Variants in ISOC1 observed in about 807,000 individuals in gnomAD.
ISOC1 encodes isochorismatase domain-containing protein 1.
ISOC1 carries 33 observed loss-of-function variants against 30.0 expected under a neutral mutation model. The observed-to-expected ratio is 1.10, with a 90% CI of 0.83 to 1.47. The LOEUF (loss-of-function observed/expected upper bound fraction) is 1.47. Among genes scored for constraint, ISOC1 ranks in the 40% most tolerant of loss-of-function variants. ISOC1 has a pLI of 0.00. For missense variants in ISOC1, 372 were observed against 388.0 expected, an observed-to-expected ratio of 0.96 and a Z score of 0.35; for synonymous variants, 178 against 159.8, an observed-to-expected ratio of 1.11 and a Z score of -0.86.
chr5:129,095,195 C>G, intron 1 of ISOC1, 120 bp downstream of exon 1: 1 of 993,134 alleles, frequency 1.0e-6, no homozygotes, highest in Non-Finnish European at 1.4e-6. Flanking sequence ...GGGCCCTGCG[C>G]GAGTGGCTGA....
chr5:129,108,713 T>C (rs769207612), intron 4 of ISOC1, among the ~76,000 whole-genome samples: 31 of 152,288 alleles, frequency 2.0e-4, no homozygotes, highest in Admixed American at 8.5e-4. Context: ...GGTTTTGCCA[T>C]GTTGGCCAGG....
At chr5:129,097,301 A>G (rs1208329822) in intron 1 of ISOC1, among the ~76,000 whole-genome samples, 1 of 152,106 alleles carries the variant, frequency 6.6e-6, no homozygotes, top group Non-Finnish European at 1.5e-5. Flanking sequence ...AAGGAAGGGG[A>G]TAGATACATA....
rs764667783 is a variant in ISOC1, at chr5:129,105,170, G to C, written c.430-15G>C. On this transcript the variant is annotated splice_polypyrimidine_tract_variant and intron_variant, in intron 2 of 4. Coordinates refer to ENST00000173527, the MANE Select transcript of ISOC1 (RefSeq NM_016048.2). ...ATATAGCTAATTGTTTTTGTGTTTG[G>C]TTATTTTTTTTCAGTTGCAAGGGGC... 1 of 1,612,848 alleles carries C rather than the reference G, an allele frequency of 6.2e-7. No homozygotes were observed. The highest frequency in any genetic ancestry group is 8.5e-7 in the Non-Finnish European group (1 of 1,179,530).
chr5:129,098,989 GA>G (rs1753540512), intron 1 of ISOC1, among the ~76,000 whole-genome samples: 2 of 151,440 alleles, frequency 1.3e-5, no homozygotes, highest in Admixed American at 1.3e-4. Context: ...GTGGCAGGAA[GA>G]GGGGGTAGAT....
At chr5:129,102,374 T>G (rs1753583075) in intron 1 of ISOC1, among the ~76,000 whole-genome samples, 1 of 152,124 alleles carries the variant, frequency 6.6e-6, no homozygotes, top group Admixed American at 6.5e-5. Context: ...CCCAGGGCAG[T>G]GAGGATTTTA....
At chr5:129,109,719 C>T (rs569865310) in intron 4 of ISOC1, among the ~76,000 whole-genome samples, 32 of 152,192 alleles carry the variant, frequency 2.1e-4, no homozygotes, top group South Asian at 1.2e-3. Context: ...TGATTTGATA[C>T]GGAGGCGATA....
chr5:129,097,789 C>T (rs746972617), intron 1 of ISOC1: 3 of 153,290 alleles, frequency 2.0e-5, no homozygotes, highest in Non-Finnish European at 4.4e-5. Flanking sequence ...CACAGCACTA[C>T]TGCTTGCATG....
chr5:129,102,164 T>C (rs1262898870), intron 1 of ISOC1, among the ~76,000 whole-genome samples: 1 of 152,184 alleles, frequency 6.6e-6, no homozygotes, highest in African/African-American at 2.4e-5. Context: ...AAGAGGATGT[T>C]GGGAGTTAAA....
At chr5:129,110,914 C>A (rs1466121404) in intron 4 of ISOC1, among the ~76,000 whole-genome samples, 1 of 152,122 alleles carries the variant, frequency 6.6e-6, no homozygotes, top group Non-Finnish European at 1.5e-5. Context: ...CAGACTGAAT[C>A]ATTGCAAGTC....
At chr5:129,107,250 C>T (rs755706451) in intron 4 of ISOC1, among the ~76,000 whole-genome samples, 188 bp downstream of exon 4, 4 of 152,168 alleles carry the variant, frequency 2.6e-5, no homozygotes, top group African/African-American at 4.8e-5. Context: ...TATTTTATGT[C>T]TCGTTTCCTC....
rs954737022 is a variant in ISOC1 at position 129,107,164 on chromosome 5, G to A, written c.750+102G>A. On this transcript the variant is annotated intron_variant, in intron 4 of 4. Coordinates refer to ENST00000173527, the MANE Select transcript of ISOC1 (RefSeq NM_016048.2). ...AATGAAAGGTTTACCTCCTAAATTTGAGTTGGTCTGGCAATATCAGACTAA... is the reference window on the plus strand; with the variant it reads ...AATGAAAGGTTTACCTCCTAAATTTAAGTTGGTCTGGCAATATCAGACTAA... 5 of 927,710 alleles carry A rather than the reference G, an allele frequency of 5.4e-6. No individual in the cohort carries two copies. The African/African-American group carries it at 8.1e-5, about 15-fold the overall frequency. 57.5% of individuals were successfully genotyped at this position (927,710 alleles called of 1,614,324 possible).
Position 129,105,175 on chromosome 5 carries a change from T to A in ISOC1, c.430-10T>A. 6.2e-7 allele frequency: 1 copy of A among 1,613,202 alleles called. No homozygotes were observed. Among genetic ancestry groups the A allele is most frequent in the Non-Finnish European group, 8.5e-7 (1 of 1,179,652 alleles). On this transcript the variant is annotated splice_polypyrimidine_tract_variant and intron_variant, in intron 2 of 4. Coordinates refer to ENST00000173527, the MANE Select transcript of ISOC1 (RefSeq NM_016048.2). Reference sequence around the variant, plus strand: ...GCTAATTGTTTTTGTGTTTGGTTATTTTTTTTCAGTTGCAAGGGGCCCGGA... The same window carrying A: ...GCTAATTGTTTTTGTGTTTGGTTATATTTTTTCAGTTGCAAGGGGCCCGGA...
chr5:129,101,531 G>A (rs910963638), intron 1 of ISOC1, among the ~76,000 whole-genome samples: 8 of 152,060 alleles, frequency 5.3e-5, no homozygotes, highest in African/African-American at 1.9e-4. Flanking sequence ...GTCTCACTGT[G>A]TTGCCTAGGC....
intron 1 of ISOC1, 94 bp from the exon 2 acceptor site, chr5:129,104,862 C>A: frequency 7.8e-7 from 1 of 1,282,540 alleles, no homozygotes; most frequent in Non-Finnish European, 1.1e-6. Flanking sequence ...CTGGCTCAAA[C>A]AATAGGACCA....
chr5:129,105,358 A>C lies in ISOC1; in HGVS notation c.603A>C (p.Gly201=), dbSNP rs1301133194. ...AAGCGGCATTAGCAGAGATTCCCGG[A>C]GTCAGGAGTGTTGTATTATTTGGAG... ...EVEAALAEIP[G]VRSVVLFGVE... is the part of the protein sequence containing the mutation. Residue 201 remains glycine, a synonymous_variant, in exon 3 of 5, where the codon GGA becomes GGC. Coordinates refer to ENST00000173527, the MANE Select transcript of ISOC1 (RefSeq NM_016048.2). The C allele has an allele frequency of 3.7e-6, 6 of 1,613,588 alleles. No homozygotes were observed. Among genetic ancestry groups the C allele is most frequent in the Non-Finnish European group, 4.2e-6 (5 of 1,179,722 alleles).
chr5:129,107,169 G>GGCAATTTACCTCCTAAATTA, intron 4 of ISOC1, 107 bp downstream of exon 4: 1 of 858,446 alleles, frequency 1.2e-6, no homozygotes, highest in Non-Finnish European at 1.9e-6. Context: ...AATTTGAGTT[G>GGCAATTTACCTCCTAAATTA]GTCTGGCAAT....
intron 1 of ISOC1, among the ~76,000 whole-genome samples, chr5:129,098,433 TGAGAG>T (rs1369422419): frequency 6.6e-6 from 1 of 152,208 alleles, no homozygotes; most frequent in Non-Finnish European, 1.5e-5. Context: ...AGAATATAAA[TGAGAG>T]GATTATGTAG....
rs1156603818 is a variant in ISOC1, at chr5:129,101,161, C to CAAAAAAAAA, written c.310-3771_310-3763dup. On this transcript the variant is annotated intron_variant, in intron 1 of 4. Coordinates refer to ENST00000173527, the MANE Select transcript of ISOC1 (RefSeq NM_016048.2). ...AGCTGGGCCACCAAGCTCAGCTAAT[C>CAAAAAAAAA]AAAAAAAAAAAAAAAAAAAAAAAAA... 9.2e-4 allele frequency among the ~76,000 whole-genome samples: 18 copies of CAAAAAAAAA among 19,504 alleles called. 2 individuals carry two copies. Among genetic ancestry groups the CAAAAAAAAA allele is most frequent in the South Asian group, 4.1e-3 (1 of 244 alleles). The allele number at this position is 19,504 out of a possible 152,430, so 12.8% of individuals were successfully genotyped here. A position where few individuals can be genotyped will look rare whatever the true frequency, so the allele number is the denominator to read the frequency against.
intron 1 of ISOC1, 94 bp downstream of exon 1, chr5:129,095,169 G>C: frequency 1.6e-6 from 2 of 1,268,902 alleles, no homozygotes; most frequent in Non-Finnish European, 2.1e-6. Context: ...CAGGTGCCCC[G>C]AGCCGCCCGG....
Sources: allele counts gnomAD v4.1 joint callset (sites outside exome capture counted in the v4.1 genomes callset), GRCh38; gene constraint gnomAD v4.1.1; transcripts MANE v1.5; gene names NCBI Gene and HGNC (gene_info 2026-07-23, HGNC 2026-07-21).